The following GTF2IRD2B variants were observed in gnomAD, a reference collection of about 807,000 sequenced individuals.
The protein encoded by GTF2IRD2B is GTF2I repeat domain containing 2B, also known as general transcription factor II-I repeat domain-containing protein 2B.
Under a neutral mutation model 55.6 loss-of-function variants are expected in GTF2IRD2B, and 10 were observed. The ratio of observed to expected loss-of-function variants is 0.18; its 90% CI spans 0.11 to 0.31. The LOEUF (loss-of-function observed/expected upper bound fraction) is 0.31. GTF2IRD2B is among the 10% of genes least tolerant of loss of function. The pLI is 1.00. For missense variants in GTF2IRD2B, 206 were observed against 802.7 expected, an observed-to-expected ratio of 0.26 and a Z score of 8.98; for synonymous variants, 107 against 320.5, an observed-to-expected ratio of 0.33 and a Z score of 7.12.
intron 1 of GTF2IRD2B, among the ~76,000 whole-genome samples, chr7:75,099,951 A>AAGT (rs1336191525): frequency 8.6e-6 from 1 of 116,860 alleles, no homozygotes; most frequent in Non-Finnish European, 1.8e-5. Context: ...CGTCTCTACT[A>AAGT]AAAGTACAAA....
chr7:75,107,401 C>T (rs1406677970), intron 1 of GTF2IRD2B, among the ~76,000 whole-genome samples: 14 of 150,140 alleles, frequency 9.3e-5, no homozygotes, highest in Non-Finnish European at 1.6e-4. Flanking sequence ...TGGTGAAACC[C>T]CGTCTCTATT....
chr7:75,104,092 CA>C (rs1807680397), intron 1 of GTF2IRD2B, among the ~76,000 whole-genome samples: 1 of 137,052 alleles, frequency 7.3e-6, no homozygotes, highest in African/African-American at 2.7e-5. Context: ...CCTTCATCAC[CA>C]GGGGTGCCCC....
intron 8 of GTF2IRD2B, among the ~76,000 whole-genome samples, chr7:75,130,528 A>G (rs1203917523): frequency 1.3e-5 from 2 of 151,532 alleles, no homozygotes; most frequent in Non-Finnish European, 2.9e-5. Context: ...CCCAGACTGG[A>G]GTACAGTGGT....
At chr7:75,112,627 A>T in intron 3 of GTF2IRD2B, 92 bp downstream of exon 3, 1 of 1,405,912 alleles carries the variant, frequency 7.1e-7, no homozygotes, top group South Asian at 1.2e-5. Flanking sequence ...TATCATAAGC[A>T]TTCTCCTAGA....
chr7:75,124,318 A>G (rs1808484550), intron 6 of GTF2IRD2B, among the ~76,000 whole-genome samples: 1 of 152,304 alleles, frequency 6.6e-6, no homozygotes, highest in Admixed American at 6.5e-5. Context: ...CAGTGAGCCA[A>G]GATTGTGCCA....
chr7:75,148,314 G>A lies in GTF2IRD2B; in HGVS notation c.1867G>A (p.Ala623Thr), dbSNP rs1554454565. The A allele has an allele frequency of 6.2e-7, 1 of 1,613,642 alleles. No individual in the cohort carries two copies. The highest frequency in any genetic ancestry group is 8.5e-7 in the Non-Finnish European group (1 of 1,179,816). Residue 623 changes from alanine to threonine, a missense_variant, in exon 16 of 16, where the codon GCG becomes ACG. Ala to Thr is a moderately conservative substitution (Grantham distance 58). Coordinates refer to ENST00000472837, the MANE Select transcript of GTF2IRD2B (RefSeq NM_001003795.3). ...AAGCGTGGCCTCCACTGGCACCCCA[G>A]CGATGGTGGATGCCAATAACGGGCT... ...LVSVASTGTP[A>T]MVDANNGLVT...
At chr7:75,136,298 GTTT>G (rs55650547) in intron 10 of GTF2IRD2B, among the ~76,000 whole-genome samples, 2 of 118,166 alleles carry the variant, frequency 1.7e-5, no homozygotes, top group Admixed American at 8.3e-5. Flanking sequence ...AAATGATTCT[GTTT>G]TTTTTTTTTT....
intron 1 of GTF2IRD2B, among the ~76,000 whole-genome samples, chr7:75,104,099 G>A: frequency 7.5e-6 from 1 of 133,690 alleles, no homozygotes; most frequent in African/African-American, 2.8e-5. Context: ...CACCAGGGGT[G>A]CCCCTTGGGC....
At chr7:75,121,436 T>C (rs1808361410) in intron 4 of GTF2IRD2B, among the ~76,000 whole-genome samples, 1 of 151,466 alleles carries the variant, frequency 6.6e-6, no homozygotes, top group South Asian at 2.1e-4. Flanking sequence ...AAAACCCATA[T>C]GCTTATCAAG....
At chr7:75,146,991 C>A (rs1291319242) in intron 15 of GTF2IRD2B, 1 of 156,962 alleles carries the variant, frequency 6.4e-6, no homozygotes, top group Non-Finnish European at 1.4e-5. Context: ...AAAGATAGCT[C>A]GGTGTGGTGC....
chr7:75,115,173 G>A (rs1450193831), intron 3 of GTF2IRD2B, among the ~76,000 whole-genome samples: 15 of 138,980 alleles, frequency 1.1e-4, no homozygotes, highest in Non-Finnish European at 2.0e-4. Flanking sequence ...CTGGGCTCAA[G>A]TGATCCTCCT....
rs1291677572 is a variant in GTF2IRD2B at position 75,148,909 on chromosome 7, A to G, written c.2462A>G (p.Asn821Ser). Residue 821 changes from asparagine to serine, a missense_variant, in exon 16 of 16, where the codon AAC becomes AGC. Transcript: ENST00000472837. ...LVSRNESDGL[N>S]YIPKIAELKT... ...TCCAGAAATGAAAGCGATGGCCTGA[A>G]CTACATTCCCAAAATCGCGGAACTC... is the stretch of plus-strand genomic sequence containing the variant. 11 of 1,595,536 alleles carry G rather than the reference A, an allele frequency of 6.9e-6. No individual in the cohort carries two copies. The African/African-American group carries it at 1.1e-4, about 16-fold the overall frequency.
rs1166501372 is a variant in GTF2IRD2B, at chr7:75,114,233, A to C, written c.238+1698A>C. 5.7e-4 allele frequency among the ~76,000 whole-genome samples: 86 copies of C among 151,466 alleles called. 5 individuals are homozygous for C. Among genetic ancestry groups the C allele is most frequent in the Non-Finnish European group, 7.4e-5 (5 of 67,838 alleles). The stretch of plus-strand genomic sequence containing the variant: ...AAATGAAGCCATCTTTAAATAATAC[A>C]GTATGTAACTGATACACAAGAAGGG... On this transcript the variant is annotated intron_variant, in intron 3 of 15. Transcript: ENST00000472837.
Position 75,148,420 on chromosome 7 carries a change from A to G in GTF2IRD2B, c.1973A>G (p.Glu658Gly). ...TCCATCTGTTGTATAATTCATCCGG[A>G]ATCACTCTGTGCTCAGAAGTTGAAG... ...LKSICCIIHP[E>G]SLCAQKLKMD... Residue 658 changes from glutamate to glycine, a missense_variant, in exon 16 of 16, where the codon GAA becomes GGA. Glu to Gly is a moderately conservative substitution (Grantham distance 98). Coordinates refer to ENST00000472837, the MANE Select transcript of GTF2IRD2B (RefSeq NM_001003795.3). 2 of 1,611,682 alleles carry G rather than the reference A, an allele frequency of 1.2e-6. No homozygotes were observed. Among genetic ancestry groups the G allele is most frequent in the Admixed American group, 3.3e-5 (2 of 59,702 alleles).
intron 8 of GTF2IRD2B, among the ~76,000 whole-genome samples, chr7:75,130,481 T>C (rs1465794580): frequency 1.4e-5 from 2 of 144,712 alleles, no homozygotes; most frequent in Non-Finnish European, 3.0e-5. Flanking sequence ...ACCAGGCCAA[T>C]TTTTTTTTCT....
chr7:75,103,097 G>C (rs1554449708), intron 1 of GTF2IRD2B, among the ~76,000 whole-genome samples: 1 of 151,800 alleles, frequency 6.6e-6, no homozygotes, highest in African/African-American at 2.4e-5. Context: ...GGCCAACATG[G>C]TGAAACCCCG....
intron 1 of GTF2IRD2B, among the ~76,000 whole-genome samples, chr7:75,104,336 C>T: frequency 6.6e-6 from 1 of 152,222 alleles, no homozygotes; most frequent in Non-Finnish European, 1.5e-5. Context: ...CCAGGCTGGT[C>T]TCGAACTCCT....
At chr7:75,106,174 G>A (rs1361907775) in intron 1 of GTF2IRD2B, among the ~76,000 whole-genome samples, 4 of 152,306 alleles carry the variant, frequency 2.6e-5, no homozygotes, top group African/African-American at 7.2e-5. Flanking sequence ...AGGCTGAGGC[G>A]GGCAGATCAC....
chr7:75,112,650 A>G, intron 3 of GTF2IRD2B, 115 bp downstream of exon 3: 1 of 1,567,124 alleles, frequency 6.4e-7, no homozygotes, highest in Non-Finnish European at 8.7e-7. Flanking sequence ...CGATCCTAAC[A>G]CATCTTCTTG....
Sources: allele counts gnomAD v4.1 joint callset (sites outside exome capture counted in the v4.1 genomes callset), GRCh38; gene constraint gnomAD v4.1.1; transcripts MANE v1.5; gene names NCBI Gene and HGNC (gene_info 2026-07-23, HGNC 2026-07-21).